The following TGFBR2 variants were observed in gnomAD, a reference collection of about 807,000 sequenced individuals.
TGFBR2 encodes transforming growth factor beta receptor 2.
Under a neutral mutation model 49.0 loss-of-function variants are expected in TGFBR2, and 18 were observed. The ratio of observed to expected loss-of-function variants is 0.37; its 90% CI spans 0.25 to 0.54. The LOEUF (loss-of-function observed/expected upper bound fraction) is 0.54. TGFBR2 is among the 20% of genes least tolerant of loss of function. TGFBR2 has a pLI of 0.85. For synonymous variants in TGFBR2, 282 were observed against 275.9 expected, an observed-to-expected ratio of 1.02 and a Z score of -0.22; for missense variants, 525 against 722.6, an observed-to-expected ratio of 0.73 and a Z score of 3.13.
chr3:30,661,624 A>AC (rs761971963), intron 3 of TGFBR2: 1 of 514,040 alleles, frequency 1.9e-6, no homozygotes, highest in Admixed American at 2.0e-5. Flanking sequence ...TGTGATGAAG[A>AC]CCCCAGGGTT....
At chr3:30,687,564 T>C (rs2125450794) in intron 5 of TGFBR2, among the ~76,000 whole-genome samples, 1 of 152,246 alleles carries the variant, frequency 6.6e-6, no homozygotes, top group Middle Eastern at 3.4e-3. Flanking sequence ...TCCATGATGT[T>C]TTTCTGTAGC....
At chr3:30,679,019 T>G (rs1207864022) in intron 5 of TGFBR2, among the ~76,000 whole-genome samples, 1 of 152,198 alleles carries the variant, frequency 6.6e-6, no homozygotes, top group Non-Finnish European at 1.5e-5. Flanking sequence ...ACATGGATAT[T>G]AAGGCTCCAA....
intron 5 of TGFBR2, among the ~76,000 whole-genome samples, chr3:30,675,634 C>G (rs555567608): frequency 7.9e-5 from 12 of 152,306 alleles, no homozygotes; most frequent in Admixed American, 5.9e-4. Flanking sequence ...ATCTGCCCAC[C>G]TCGGCCTCCC....
At chr3:30,638,689 G>A (rs575423257) in intron 1 of TGFBR2, among the ~76,000 whole-genome samples, 1 of 152,240 alleles carries the variant, frequency 6.6e-6, no homozygotes, top group Admixed American at 6.5e-5. Context: ...CAAGGTGTTT[G>A]TTTGGTTGGT....
At chr3:30,608,462 G>A (rs1697974260) in intron 1 of TGFBR2, among the ~76,000 whole-genome samples, 1 of 152,094 alleles carries the variant, frequency 6.6e-6, no homozygotes, top group Non-Finnish European at 1.5e-5. Context: ...ACTTGGAGAT[G>A]ACCCATGTAG....
chr3:30,645,761 C>A (rs1698724311), intron 2 of TGFBR2, among the ~76,000 whole-genome samples: 1 of 152,088 alleles, frequency 6.6e-6, no homozygotes, highest in African/African-American at 2.4e-5. Context: ...GCTGGAATTA[C>A]AGGCATGAGC....
chr3:30,647,929 G>A (rs35600848), intron 2 of TGFBR2, among the ~76,000 whole-genome samples: 31,497 of 151,928 alleles, frequency 0.21, 3,763 homozygotes, highest in East Asian at 0.4. Context: ...CGCCTGCCTC[G>A]GCCTCTGAAA....
intron 6 of TGFBR2, among the ~76,000 whole-genome samples, chr3:30,690,755 G>C (rs1478949417): frequency 6.6e-6 from 1 of 152,202 alleles, no homozygotes; most frequent in Non-Finnish European, 1.5e-5. Context: ...TAAGTGGAAT[G>C]CAGGGAATTT....
chr3:30,692,666 C>T lies in TGFBR2; in HGVS notation c.*1067C>T, dbSNP rs1158733102. The T allele has an allele frequency of 4.3e-6, 1 of 233,230 alleles. No individual in the cohort carries two copies. The allele number at this position is 233,230 out of a possible 1,614,324, so 14.4% of individuals were successfully genotyped here. A position where few individuals can be genotyped will look rare whatever the true frequency, so the allele number is the denominator to read the frequency against. On this transcript the variant is annotated 3_prime_UTR_variant, in exon 7 of 7. Transcript: ENST00000295754. ...CCAATGGGTTCCATCTTTCTGGGCT[C>T]CTGATTGCTCAAGCACAGTTTGGCC...
At chr3:30,607,864 TAA>T (rs1491340694) in intron 1 of TGFBR2, among the ~76,000 whole-genome samples, 7 of 142,924 alleles carry the variant, frequency 4.9e-5, no homozygotes, top group East Asian at 2.0e-4. Flanking sequence ...TATATAATAT[TAA>T]TATATATATG....
At chr3:30,617,080 G>T (rs56388600) in intron 1 of TGFBR2, among the ~76,000 whole-genome samples, 2 of 120,718 alleles carry the variant, frequency 1.7e-5, no homozygotes, top group African/African-American at 2.8e-5. Context: ...CATATTTTTT[G>T]GGAAAAAAAA....
In TGFBR2 at chr3:30,628,157, A is replaced by T. The variant is rs181311831; in HGVS notation, c.95-16590A>T. Among the ~76,000 whole-genome samples the T allele has an allele frequency of 4.9e-3, 721 of 146,972 alleles. 8 individuals carry two copies. The highest frequency in any genetic ancestry group is 4.8e-3 in the Non-Finnish European group (325 of 67,130). ...CATCTGTGTTTTTAGTTTTAATCTT[A>T]AAAGGATTATAAAAATAGTACTGCC... On this transcript the variant is annotated intron_variant, in intron 1 of 6. Transcript: ENST00000295754.
chr3:30,652,254 T>TTTTC (rs1698905569), intron 3 of TGFBR2, among the ~76,000 whole-genome samples: 1 of 148,436 alleles, frequency 6.7e-6, no homozygotes, highest in Admixed American at 6.7e-5. Context: ...TTTTTTTTTT[T>TTTTC]GACGGAGTCT....
chr3:30,624,689 C>T (rs1254355073), intron 1 of TGFBR2, among the ~76,000 whole-genome samples: 3 of 151,820 alleles, frequency 2.0e-5, no homozygotes, highest in African/African-American at 7.3e-5. Context: ...CTAAGCTATA[C>T]TTCTGCTTTT....
chr3:30,638,319 T>C (rs1698579904), intron 1 of TGFBR2, among the ~76,000 whole-genome samples: 1 of 152,226 alleles, frequency 6.6e-6, no homozygotes, highest in Non-Finnish European at 1.5e-5. Flanking sequence ...GTATTCACTT[T>C]GTCATCTCTG....
Position 30,676,686 on chromosome 3 carries a change from T to C in TGFBR2, c.1396+2440T>C, listed in dbSNP as rs1699444224. On this transcript the variant is annotated intron_variant, in intron 5 of 6. Transcript: ENST00000295754. The surrounding 1 kb of genome is among the most constrained non-coding windows in gnomAD (Gnocchi z 4.3). ...CTGCTGGCTCTGATTCTTCATCCTG[T>C]TCAGAATATGCATAGCCAATTCTCC... is the stretch of plus-strand genomic sequence containing the variant. Among the ~76,000 whole-genome samples the C allele has an allele frequency of 6.6e-6, 1 of 152,272 alleles. No individual in the cohort carries two copies. Among genetic ancestry groups the C allele is most frequent in the Non-Finnish European group, 1.5e-5 (1 of 68,050 alleles).
chr3:30,614,714 A>G (rs1698099758), intron 1 of TGFBR2, among the ~76,000 whole-genome samples: 1 of 152,198 alleles, frequency 6.6e-6, no homozygotes, highest in Non-Finnish European at 1.5e-5. Context: ...AAGGTAGGTT[A>G]TATTATGCTT....
intron 1 of TGFBR2, among the ~76,000 whole-genome samples, chr3:30,642,096 T>C (rs1698657901): frequency 6.6e-6 from 1 of 152,210 alleles, no homozygotes; most frequent in Non-Finnish European, 1.5e-5. Flanking sequence ...TTCTGTCTTA[T>C]CTATCGCTGC....
At chr3:30,681,257 G>A (rs1034079422) in intron 5 of TGFBR2, among the ~76,000 whole-genome samples, 29 of 152,054 alleles carry the variant, frequency 1.9e-4, no homozygotes, top group Non-Finnish European at 3.5e-4. Flanking sequence ...TTGGAGAGAC[G>A]GCTGAGGAGA....
Sources: gnomAD v4.1 joint callset for allele counts (sites outside exome capture counted in the v4.1 genomes callset) on GRCh38, gnomAD v4.1.1 for gene constraint, Gnocchi (gnomAD v3.1) non-coding constraint, MANE v1.5 for transcripts, NCBI Gene and HGNC (gene_info 2026-07-23, HGNC 2026-07-21) for gene names.